Variants in AHRR observed in about 807,000 individuals in gnomAD.
AHRR encodes the protein aryl hydrocarbon receptor repressor.
In AHRR, 28 loss-of-function variants were observed where a neutral mutation model predicts 44.0. The ratio of observed to expected loss-of-function variants is 0.64; its 90% CI spans 0.47 to 0.87. The LOEUF is 0.87. Among genes scored for constraint, AHRR ranks in the 40% least tolerant of loss-of-function variants. The pLI, the probability that AHRR is intolerant of heterozygous loss-of-function variation, is 0.00. For missense variants in AHRR, 990 were observed against 953.9 expected, an observed-to-expected ratio of 1.04 and a Z score of -0.50; for synonymous variants, 434 against 407.0, an observed-to-expected ratio of 1.07 and a Z score of -0.80.
chr5:434,595 C>G lies in AHRR; in HGVS notation c.1855C>G (p.Leu619Val). The G allele has an allele frequency of 1.9e-6, 3 of 1,571,320 alleles. No homozygotes were observed. Among genetic ancestry groups the G allele is most frequent in the Middle Eastern group, 1.7e-4 (1 of 5,940 alleles). ...TTTCCACCCTGCACACTGTGCCTGC[C>G]TGGAGCCCACAGACGGCCTTCCCCA... is the stretch of plus-strand genomic sequence containing the variant. ...TPFHPAHCAC[L>V]EPTDGLPQSE... Residue 619 changes from leucine to valine, a missense_variant, in exon 11 of 11, where the codon CTG (leucine) becomes GTG (valine). By Grantham distance (32) the Leu-to-Val change is conservative. Transcript: ENST00000684583.
At position 422,758 on chromosome 5, in the gene AHRR, C is replaced by G. The variant is rs4987100; in HGVS notation, c.471C>G (p.Asp157Glu). ...QTDVMHQNIY[D>E]YIHVDDRQDF... is the part of the protein sequence containing the mutation. ...ATGTAATGCACCAGAACATTTATGA[C>G]TACATCCACGTGGACGACCGCCAGG... The change falls in exon 6 of 11, where the codon GAC becomes GAG. Residue 157 changes from aspartate to glutamate, a missense_variant. Asp to Glu is a conservative substitution (Grantham distance 45). Coordinates refer to ENST00000684583, the MANE Select transcript of AHRR (RefSeq NM_001377236.1). The G allele has an allele frequency of 1.2e-6, 2 of 1,614,200 alleles. No homozygotes were observed. The highest frequency in any genetic ancestry group is 1.1e-5 in the South Asian group (1 of 91,084).
chr5:418,981 CG>C (rs1228379744), intron 5 of AHRR: 1 of 152,386 alleles, frequency 6.6e-6, no homozygotes, highest in African/African-American at 2.4e-5. Flanking sequence ...TCCCTAGATG[CG>C]GGGAGTGAGG....
At chr5:348,618 A>T (rs1253745192) in intron 2 of AHRR, among the ~76,000 whole-genome samples, 1 of 152,102 alleles carries the variant, frequency 6.6e-6, no homozygotes, top group Non-Finnish European at 1.5e-5. Flanking sequence ...ATCACACAGC[A>T]TTTTGTCTGT....
chr5:368,335 G>T (rs893882682), intron 3 of AHRR, among the ~76,000 whole-genome samples: 1 of 152,200 alleles, frequency 6.6e-6, no homozygotes, highest in Admixed American at 6.5e-5. Context: ...CTGTGGCCGC[G>T]TGGGGTTAGT....
Position 345,427 on chromosome 5 carries a change from GGTGTGC to G in AHRR, c.62+1469_62+1474del, listed in dbSNP as rs1356193973. ...ATGTCCCTGGCTGTGTGTGTGTGTG[GGTGTGC>G]GTGTGTGGGTGTGTGTGTGTGTGTG... On this transcript the variant is annotated intron_variant, in intron 2 of 10. Coordinates refer to ENST00000684583, the MANE Select transcript of AHRR (RefSeq NM_001377236.1). Among the ~76,000 whole-genome samples the G allele has an allele frequency of 2.0e-5, 2 of 100,922 alleles. 1 individual carries two copies. Among genetic ancestry groups the G allele is most frequent in the African/African-American group, 1.2e-4 (2 of 17,118 alleles). The allele number at this position is 100,922 out of a possible 152,430, so 66.2% of individuals were successfully genotyped here.
intron 3 of AHRR, among the ~76,000 whole-genome samples, chr5:366,715 C>G (rs886134875): frequency 6.6e-6 from 1 of 152,190 alleles, no homozygotes; most frequent in African/African-American, 2.4e-5. Context: ...GTGGAATAAG[C>G]CGGCATTGTG....
intron 5 of AHRR, chr5:421,387 C>T: frequency 1.7e-6 from 1 of 599,136 alleles, no homozygotes; most frequent in South Asian, 1.8e-5. Context: ...TACCAGCCCC[C>T]ACACGGAGGG....
At chr5:432,697 G>A in intron 9 of AHRR, 109 bp from the exon 10 acceptor site, 1 of 1,573,006 alleles carries the variant, frequency 6.4e-7, no homozygotes, top group Admixed American at 1.7e-5. Context: ...TCTGGTCTGT[G>A]CATTTCTGAG....
At chr5:384,943 A>G (rs1183356484) in intron 4 of AHRR, among the ~76,000 whole-genome samples, 1 of 151,720 alleles carries the variant, frequency 6.6e-6, no homozygotes, top group African/African-American at 2.4e-5. Flanking sequence ...CAGGAGTTCA[A>G]GATCAGCCTG....
chr5:349,672 A>G (rs1351823173), intron 2 of AHRR, among the ~76,000 whole-genome samples: 1 of 152,146 alleles, frequency 6.6e-6, no homozygotes, highest in Non-Finnish European at 1.5e-5. Context: ...GTGTTCTGAG[A>G]GTCCTGTAAC....
At chr5:413,319 T>C (rs1560914264) in intron 4 of AHRR, 25 bp from the exon 5 acceptor site, 1 of 1,548,502 alleles carries the variant, frequency 6.5e-7, no homozygotes, top group Admixed American at 2.1e-5. Flanking sequence ...TTCGATTTTT[T>C]TTTTTGTTTT....
intron 5 of AHRR, among the ~76,000 whole-genome samples, chr5:416,718 C>T (rs1168229498): frequency 1.3e-5 from 2 of 152,134 alleles, no homozygotes; most frequent in Non-Finnish European, 2.9e-5. Context: ...GGTCCGTAGG[C>T]GTTTGCTGGG....
In AHRR at chr5:427,925, C is replaced by A; in HGVS notation, c.827C>A (p.Pro276His). 1 of 1,614,116 alleles carries A rather than the reference C, an allele frequency of 6.2e-7. No individual in the cohort carries two copies. The part of the protein sequence containing the change: ...LFCIAAPVLL[P>H]SAAEMKMRSA... ...TGCATTGCGGCACCCGTTCTCCTCCCCTCCGCAGCGGAGATGAAAATGAGG... is the reference window on the plus strand; with the variant it reads ...TGCATTGCGGCACCCGTTCTCCTCCACTCCGCAGCGGAGATGAAAATGAGG... The change falls in exon 8 of 11, where the codon CCC (proline) becomes CAC (histidine). Residue 276 changes from proline to histidine, a missense_variant. Physicochemically the swap from Pro to His is moderately conservative, Grantham distance 77. Transcript: ENST00000684583.
At chr5:398,933 A>G (rs1158552743) in intron 4 of AHRR, among the ~76,000 whole-genome samples, 2 of 152,134 alleles carry the variant, frequency 1.3e-5, no homozygotes, top group African/African-American at 2.4e-5. Context: ...CCCTGCCAAC[A>G]TGCCCAGCAC....
At chr5:324,470 AAAAG>A (rs1253242150) in intron 1 of AHRR, among the ~76,000 whole-genome samples, 1 of 151,086 alleles carries the variant, frequency 6.6e-6, no homozygotes, top group African/African-American at 2.4e-5. Flanking sequence ...ATTAAAAAAA[AAAAG>A]AACTGAGGCA....
Sources: gnomAD v4.1 joint callset for allele counts (sites outside exome capture counted in the v4.1 genomes callset) on GRCh38, gnomAD v4.1.1 for gene constraint, MANE v1.5 for transcripts, NCBI Gene and HGNC (gene_info 2026-07-23, HGNC 2026-07-21) for gene names.